The following VPS13D variants were observed in gnomAD, a reference collection of about 807,000 sequenced individuals.
The protein encoded by VPS13D is vacuolar protein sorting 13 homolog D.
A neutral mutation model predicts 461.9 loss-of-function variants in VPS13D; 187 were observed. That is an observed-to-expected ratio of 0.40 (90% CI 0.36 to 0.46). The LOEUF is 0.46. Among genes scored for constraint, VPS13D ranks in the 20% least tolerant of loss-of-function variants. VPS13D has a pLI of 0.60. For missense variants in VPS13D, 4,711 were observed against 5,364.9 expected (o/e 0.88, Z 3.81); for synonymous variants, 1,951 against 1,986.3 (o/e 0.98, Z 0.47).
At chr1:12,372,840 AGAG>A (rs1297275526) in intron 54 of VPS13D, among the ~76,000 whole-genome samples, 1 of 151,146 alleles carries the variant, frequency 6.6e-6, no homozygotes, top group African/African-American at 2.4e-5. Flanking sequence ...GTTAATAGAA[AGAG>A]GAGAATAATC....
At chr1:12,496,592 A>T (rs966220133) in intron 67 of VPS13D, among the ~76,000 whole-genome samples, 1 of 152,248 alleles carries the variant, frequency 6.6e-6, no homozygotes, top group Non-Finnish European at 1.5e-5. Context: ...GGAACAAATA[A>T]TAAGTACAGC....
intron 37 of VPS13D, among the ~76,000 whole-genome samples, chr1:12,331,554 T>C (rs1643332321): frequency 6.7e-6 from 1 of 149,432 alleles, no homozygotes; most frequent in South Asian, 2.1e-4. Context: ...AAAAAAAAAA[T>C]ACAAAAAATT....
chr1:12,352,965 CAAAAAAAAAAAAAAAAAAAA>C lies in VPS13D; in HGVS notation c.9432-997_9432-978del, dbSNP rs61588046. On this transcript the variant is annotated intron_variant, in intron 46 of 69. Coordinates refer to ENST00000620676, the MANE Select transcript of VPS13D (RefSeq NM_015378.4). Reference sequence around the variant, plus strand: ...GGGCAATAAGAGTGAAACTCAGTCTCAAAAAAAAAAAAAAAAAAAAAAAAAAAAAAAGGACCCAGCAAGGC... The same window carrying C: ...GGGCAATAAGAGTGAAACTCAGTCTCAAAAAAAAAAAGGACCCAGCAAGGC... Among the ~76,000 whole-genome samples, 7 of 17,588 alleles carry C rather than the reference CAAAAAAAAAAAAAAAAAAAA, an allele frequency of 4.0e-4. 1 individual carries two copies. Among genetic ancestry groups the C allele is most frequent in the African/African-American group, 1.2e-3 (6 of 5,106 alleles). 11.5% of individuals were successfully genotyped at this position (17,588 alleles called of 152,430 possible).
intron 60 of VPS13D, among the ~76,000 whole-genome samples, chr1:12,399,057 A>G (rs1644537384): frequency 6.6e-6 from 1 of 152,228 alleles, no homozygotes; most frequent in Admixed American, 6.5e-5. Flanking sequence ...CGTTACAGGT[A>G]TGATGTGACT....
intron 65 of VPS13D, among the ~76,000 whole-genome samples, chr1:12,435,958 C>T (rs771717619): frequency 1.3e-5 from 2 of 152,178 alleles, no homozygotes; most frequent in Non-Finnish European, 2.9e-5. Flanking sequence ...TGACTTTGCT[C>T]TAACTCTACA....
At chr1:12,296,581 A>AT (rs930173625) in intron 24 of VPS13D, among the ~76,000 whole-genome samples, 79 of 152,208 alleles carry the variant, frequency 5.2e-4, no homozygotes, top group African/African-American at 1.8e-3. Context: ...CCATTTTCCT[A>AT]TTTTTAACAT....
At chr1:12,255,694 C>T (rs2101259849) in intron 7 of VPS13D, among the ~76,000 whole-genome samples, 1 of 151,442 alleles carries the variant, frequency 6.6e-6, no homozygotes, top group South Asian at 2.1e-4. Context: ...AGATCGAGAC[C>T]ATCCTGGCCA....
intron 65 of VPS13D, among the ~76,000 whole-genome samples, chr1:12,424,684 C>T (rs1644902684): frequency 6.6e-6 from 1 of 152,118 alleles, no homozygotes; most frequent in Non-Finnish European, 1.5e-5. Flanking sequence ...ATGAGTGATG[C>T]CACTATTGAT....
Position 12,291,134 on chromosome 1 carries a change from T to C in VPS13D, c.5852+10T>C. ...TCTTCCAGACTTTTAAGTAAAAATG[T>C]CAATCTTTTTCTGACTTGATATTTT... is the stretch of plus-strand genomic sequence containing the variant. On this transcript the variant is annotated intron_variant, in intron 23 of 69. Transcript: ENST00000620676. 1.2e-6 allele frequency: 2 copies of C among 1,607,998 alleles called. No homozygotes were observed. Among genetic ancestry groups the C allele is most frequent in the East Asian group, 4.5e-5 (2 of 44,798 alleles).
intron 60 of VPS13D, among the ~76,000 whole-genome samples, chr1:12,391,631 A>G (rs1341877640): frequency 6.6e-6 from 1 of 152,152 alleles, no homozygotes; most frequent in African/African-American, 2.4e-5. Context: ...TTTGGTAGAG[A>G]TGGGGTTTCA....
chr1:12,250,708 A>G (rs1161889430), intron 6 of VPS13D, among the ~76,000 whole-genome samples: 2 of 152,270 alleles, frequency 1.3e-5, no homozygotes, highest in East Asian at 1.9e-4. Context: ...TACTGAGGAC[A>G]CTACGGCACG....
intron 16 of VPS13D, among the ~76,000 whole-genome samples, 165 bp from the exon 17 acceptor site, chr1:12,270,829 C>A (rs1233230209): frequency 6.6e-6 from 1 of 152,294 alleles, no homozygotes; most frequent in East Asian, 1.9e-4. Context: ...ATCCTCCTGC[C>A]TTGGCCTCCC....
chr1:12,234,982 T>C (rs1472470088), intron 2 of VPS13D, among the ~76,000 whole-genome samples: 1 of 152,246 alleles, frequency 6.6e-6, no homozygotes, highest in Non-Finnish European at 1.5e-5. Context: ...ACTTGGTAAA[T>C]GCAGTCCCTG....
rs1433760787 is a variant in VPS13D at position 12,282,941 on chromosome 1, A to G, written c.4839A>G (p.Lys1613=). 1.2e-6 allele frequency: 2 copies of G among 1,614,014 alleles called. No individual in the cohort carries two copies. Among genetic ancestry groups the G allele is most frequent in the Non-Finnish European group, 1.7e-6 (2 of 1,180,012 alleles). ...SQKSLSVKEV[K]SFTQIQATFC... ...AGTCATTGTCAGTGAAGGAAGTCAA[A>G]TCCTTTACTCAGATTCAAGCCACCT... Residue 1613 remains lysine (K), a synonymous_variant, in exon 21 of 70, where the codon AAA becomes AAG. Transcript: ENST00000620676.
intron 68 of VPS13D, 64 bp downstream of exon 68, chr1:12,497,695 A>T (rs566657300): frequency 6.4e-7 from 1 of 1,550,718 alleles, no homozygotes; most frequent in Non-Finnish European, 8.7e-7. Context: ...TTTGATCCTG[A>T]GAAGTCTCCA....
chr1:12,328,212 T>C lies in VPS13D; in HGVS notation c.8197+358T>C, dbSNP rs553924546. 8.5e-5 allele frequency among the ~76,000 whole-genome samples: 13 copies of C among 152,320 alleles called. No homozygotes were observed. The East Asian group carries it at 2.5e-3, about 29-fold the overall frequency. ...TAAGCTCAGACAATAATGGTTCTGT[T>C]GTATTATCTCTTGAAAATCAAAAAC... On this transcript the variant is annotated intron_variant, in intron 36 of 69. Transcript: ENST00000620676.
chr1:12,427,625 G>T (rs1361773586), intron 65 of VPS13D, among the ~76,000 whole-genome samples: 1 of 152,140 alleles, frequency 6.6e-6, no homozygotes, highest in Admixed American at 6.6e-5. Context: ...ATCTAGTGAT[G>T]ATTTATATAC....
In VPS13D at chr1:12,400,568, T is replaced by C. The variant is rs368682905; in HGVS notation, c.11784+238T>C. Among the ~76,000 whole-genome samples the C allele has an allele frequency of 6.6e-5, 10 of 152,088 alleles. No individual in the cohort carries two copies. The South Asian group carries it at 1.0e-3, about 16-fold the overall frequency. On this transcript the variant is annotated intron_variant, in intron 61 of 69. Transcript: ENST00000620676. Reference sequence around the variant, plus strand: ...GGTACTGAGTCCATATAGGCCAGAGTCCATATTCATCAGAGTGAAGTCACT... The same window carrying C: ...GGTACTGAGTCCATATAGGCCAGAGCCCATATTCATCAGAGTGAAGTCACT...
At chr1:12,321,752 G>A (rs996233497) in intron 32 of VPS13D, 57 bp from the exon 33 acceptor site, 299 of 1,549,210 alleles carry the variant, frequency 1.9e-4, no homozygotes, top group Non-Finnish European at 2.6e-4. Context: ...TGTGCTGGTA[G>A]TTGGACCCTT....
Sources: gnomAD v4.1 joint callset for allele counts (sites outside exome capture counted in the v4.1 genomes callset) on GRCh38, gnomAD v4.1.1 for gene constraint, MANE v1.5 for transcripts, NCBI Gene and HGNC (gene_info 2026-07-23, HGNC 2026-07-21) for gene names.